FHIT: variants seen among roughly 807,000 people sequenced by gnomAD.
The protein encoded by FHIT is bis(5'-adenosyl)-triphosphatase.
A neutral mutation model predicts 17.9 loss-of-function variants in FHIT; 19 were observed. The observed-to-expected ratio is 1.06, with a 90% CI of 0.74 to 1.56. FHIT has a LOEUF of 1.56. Ranked by LOEUF, FHIT falls within the 40% of genes most tolerant of loss-of-function variation. The probability of loss-of-function intolerance (pLI) is 0.00; values close to 1 mark genes in which losing one functional copy is unlikely to be tolerated. For synonymous variants in FHIT, 81 were observed against 69.7 expected (o/e 1.16, Z -0.81); for missense variants, 248 against 189.2 (o/e 1.31, Z -1.82).
intron 3 of FHIT, among the ~76,000 whole-genome samples, chr3:60,936,530 T>C (rs894093528): frequency 4.6e-5 from 7 of 152,222 alleles, no homozygotes; most frequent in African/African-American, 1.4e-4. Flanking sequence ...ATTGAAAAAT[T>C]ATGAGCCATG....
At chr3:59,992,473 G>A (rs370208495) in intron 7 of FHIT, among the ~76,000 whole-genome samples, 5 of 151,954 alleles carry the variant, frequency 3.3e-5, no homozygotes, top group South Asian at 2.1e-4. Context: ...CCCTATTAGC[G>A]CATCTTTAGA....
chr3:60,121,505 G>T (rs1190094266), intron 5 of FHIT, among the ~76,000 whole-genome samples: 1 of 151,998 alleles, frequency 6.6e-6, no homozygotes, highest in Non-Finnish European at 1.5e-5. Context: ...GGCCAACATG[G>T]TGAGATCCCA....
At chr3:60,612,617 A>G (rs2107734777) in intron 4 of FHIT, among the ~76,000 whole-genome samples, 1 of 152,332 alleles carries the variant, frequency 6.6e-6, no homozygotes, top group South Asian at 2.1e-4. Flanking sequence ...CCAAGTCTGA[A>G]GAAAATAAAT....
intron 4 of FHIT, among the ~76,000 whole-genome samples, chr3:60,610,477 A>G (rs1177912099): frequency 1.3e-5 from 2 of 152,194 alleles, no homozygotes; most frequent in Admixed American, 6.5e-5. Flanking sequence ...GAAGCATACC[A>G]GCATTAATAA....
chr3:60,331,197 T>C (rs1358289508), intron 5 of FHIT, among the ~76,000 whole-genome samples: 1 of 152,200 alleles, frequency 6.6e-6, no homozygotes, highest in Non-Finnish European at 1.5e-5. Flanking sequence ...TGTTCATCCA[T>C]TCTGCCTGGA....
At chr3:60,730,076 A>G in intron 4 of FHIT, 1 of 508,542 alleles carries the variant, frequency 2.0e-6, no homozygotes, top group Non-Finnish European at 4.0e-6. Flanking sequence ...ACTTCAAAAA[A>G]TCTCTTCAGG....
intron 8 of FHIT, among the ~76,000 whole-genome samples, chr3:59,801,009 T>A (rs768977210): frequency 6.6e-6 from 1 of 152,224 alleles, no homozygotes. Context: ...TTCTTTGCAA[T>A]TGGGTAGGGA....
intron 4 of FHIT, among the ~76,000 whole-genome samples, chr3:60,791,548 CA>C (rs1342763461): frequency 6.6e-6 from 1 of 152,174 alleles, no homozygotes; most frequent in Non-Finnish European, 1.5e-5. Context: ...TTAGAACATG[CA>C]ACATGCTTTG....
chr3:60,961,362 T>C (rs893213400), intron 3 of FHIT, among the ~76,000 whole-genome samples: 3 of 152,378 alleles, frequency 2.0e-5, no homozygotes, highest in African/African-American at 7.2e-5. Flanking sequence ...GTAAAAACTT[T>C]ATCCCATTCT....
chr3:60,123,967 A>AAAAAAT (rs1324108056), intron 5 of FHIT, among the ~76,000 whole-genome samples: 1 of 27,788 alleles, frequency 3.6e-5, no homozygotes, highest in African/African-American at 1.4e-4. Flanking sequence ...ATGCACTAAA[A>AAAAAAT]ATATATATAT....
intron 4 of FHIT, among the ~76,000 whole-genome samples, chr3:60,653,556 C>A: frequency 6.6e-6 from 1 of 151,596 alleles, no homozygotes. Flanking sequence ...GTAAAATTCC[C>A]CAGAGTTAAA....
intron 2 of FHIT, among the ~76,000 whole-genome samples, chr3:61,079,308 C>A (rs1262749694): frequency 1.3e-5 from 2 of 152,016 alleles, no homozygotes; most frequent in Non-Finnish European, 1.5e-5. Context: ...TTTGCCAAAC[C>A]CATAAAGCCA....
At chr3:60,979,800 C>G (rs1419880885) in intron 3 of FHIT, among the ~76,000 whole-genome samples, 1 of 152,208 alleles carries the variant, frequency 6.6e-6, no homozygotes, top group African/African-American at 2.4e-5. Flanking sequence ...CTCCTGCAAG[C>G]TGTGACAGCA....
At chr3:61,022,110 A>C (rs1275639652) in intron 3 of FHIT, among the ~76,000 whole-genome samples, 1 of 152,192 alleles carries the variant, frequency 6.6e-6, no homozygotes, top group Non-Finnish European at 1.5e-5. Context: ...CAGACTAATA[A>C]AGAAGAAAAG....
At chr3:60,542,909 C>T (rs1485778429) in intron 4 of FHIT, among the ~76,000 whole-genome samples, 1 of 151,946 alleles carries the variant, frequency 6.6e-6, no homozygotes. Flanking sequence ...GTATTTATTC[C>T]ACTTGGAACT....
At position 60,440,271 on chromosome 3, in the gene FHIT, T is replaced by C. The variant is rs79853187; in HGVS notation, c.103+96589A>G. On this transcript the variant is annotated intron_variant, in intron 5 of 9. Transcript: ENST00000492590. ...TCATCAGTTCCCAAGACTAGACTTT[T>C]CTCCCAATCAGGGAAATTGGGCTTG... 9.2e-3 allele frequency among the ~76,000 whole-genome samples: 1,397 copies of C among 152,196 alleles called. 14 individuals carry two copies. Among genetic ancestry groups the C allele is most frequent in the East Asian group, 0.028 (146 of 5,160 alleles).
chr3:60,540,000 A>T (rs1001630147), intron 4 of FHIT, among the ~76,000 whole-genome samples: 4 of 151,608 alleles, frequency 2.6e-5, no homozygotes, highest in Non-Finnish European at 5.9e-5. Flanking sequence ...AAGAAGAACC[A>T]AAGCAGGATT....
intron 7 of FHIT, among the ~76,000 whole-genome samples, chr3:59,953,927 T>C (rs1575758278): frequency 6.6e-6 from 1 of 152,050 alleles, no homozygotes; most frequent in East Asian, 1.9e-4. Flanking sequence ...GTTAATGGAG[T>C]GTTCTGCTTT....
intron 8 of FHIT, among the ~76,000 whole-genome samples, chr3:59,895,889 T>C (rs958170768): frequency 1.3e-5 from 2 of 151,206 alleles, no homozygotes; most frequent in African/African-American, 4.9e-5. Context: ...ATAGCGGTCA[T>C]CTTCCTATTT....
Sources: allele counts gnomAD v4.1 joint callset (sites outside exome capture counted in the v4.1 genomes callset), GRCh38; gene constraint gnomAD v4.1.1; transcripts MANE v1.5; gene names NCBI Gene and HGNC (gene_info 2026-07-23, HGNC 2026-07-21).